The following GMDS variants were observed in gnomAD, a reference collection of about 807,000 sequenced individuals.
GMDS encodes GDP-mannose 4,6-dehydratase.
In GMDS, 20 loss-of-function variants were observed where a neutral mutation model predicts 49.9. That is an observed-to-expected ratio of 0.40 (90% CI 0.28 to 0.58). The LOEUF (loss-of-function observed/expected upper bound fraction) is 0.58, where lower values mean the gene tolerates loss of function less well. GMDS is among the 20% of genes least tolerant of loss of function. The probability of loss-of-function intolerance (pLI) is 0.42; values close to 1 mark genes in which losing one functional copy is unlikely to be tolerated. For synonymous variants in GMDS, 177 were observed against 178.6 expected (o/e 0.99, Z 0.07); for missense variants, 362 against 481.4 (o/e 0.75, Z 2.32).
At chr6:2,213,283 T>C (rs1780158092) in intron 1 of GMDS, among the ~76,000 whole-genome samples, 2 of 152,116 alleles carry the variant, frequency 1.3e-5, no homozygotes, top group Admixed American at 6.5e-5. Flanking sequence ...AACCTGGCAG[T>C]GGGGGTGGAC....
At chr6:2,171,906 C>T (rs1347205285) in intron 1 of GMDS, among the ~76,000 whole-genome samples, 1 of 152,096 alleles carries the variant, frequency 6.6e-6, no homozygotes, top group African/African-American at 2.4e-5. Context: ...TAAATGCATA[C>T]AGAGAGCAGT....
intron 4 of GMDS, among the ~76,000 whole-genome samples, chr6:2,044,379 C>T (rs1769868199): frequency 1.3e-5 from 2 of 151,866 alleles, no homozygotes; most frequent in Non-Finnish European, 1.5e-5. Flanking sequence ...TACTATGCAG[C>T]CGTAAAAAAG....
At chr6:1,658,990 A>G (rs1763978952) in intron 9 of GMDS, among the ~76,000 whole-genome samples, 1 of 152,248 alleles carries the variant, frequency 6.6e-6, no homozygotes, top group Non-Finnish European at 1.5e-5. Context: ...TAATAGGAAA[A>G]AAAACCCAAA....
intron 9 of GMDS, among the ~76,000 whole-genome samples, chr6:1,691,360 G>A (rs1041252248): frequency 2.6e-5 from 4 of 152,076 alleles, no homozygotes; most frequent in Admixed American, 6.6e-5. Context: ...CTGTTGCGGG[G>A]GGTGTGGGGG....
At chr6:1,689,001 CAT>C (rs1765079239) in intron 9 of GMDS, among the ~76,000 whole-genome samples, 1 of 152,154 alleles carries the variant, frequency 6.6e-6, no homozygotes, top group African/African-American at 2.4e-5. Context: ...TTTCTTATAA[CAT>C]GTTCTTGCTA....
chr6:2,134,578 A>G (rs1281518033), intron 1 of GMDS, among the ~76,000 whole-genome samples: 1 of 152,236 alleles, frequency 6.6e-6, no homozygotes, highest in African/African-American at 2.4e-5. Flanking sequence ...GCTGAAAAGC[A>G]GGTAGGTGTC....
At chr6:2,184,913 C>T (rs1431320015) in intron 1 of GMDS, among the ~76,000 whole-genome samples, 3 of 152,170 alleles carry the variant, frequency 2.0e-5, no homozygotes, top group Non-Finnish European at 4.4e-5. Context: ...ATTCCTTTCA[C>T]AATACTTGCC....
intron 1 of GMDS, among the ~76,000 whole-genome samples, chr6:2,174,172 C>T (rs1269854280): frequency 6.6e-6 from 1 of 152,196 alleles, no homozygotes; most frequent in African/African-American, 2.4e-5. Flanking sequence ...TGCTTAGATG[C>T]TGGAGGCTCA....
intron 9 of GMDS, among the ~76,000 whole-genome samples, chr6:1,705,401 TA>T (rs1765695951): frequency 6.6e-6 from 1 of 152,206 alleles, no homozygotes; most frequent in Admixed American, 6.5e-5. Flanking sequence ...CTGCCCCTTG[TA>T]CTCTCGATAG....
At chr6:2,067,811 T>A (rs1198289035) in intron 4 of GMDS, among the ~76,000 whole-genome samples, 3 of 152,156 alleles carry the variant, frequency 2.0e-5, no homozygotes, top group Admixed American at 6.5e-5. Flanking sequence ...ACCAGATGGA[T>A]TCACAGCCGA....
At chr6:1,996,488 G>A (rs1049482700) in intron 4 of GMDS, among the ~76,000 whole-genome samples, 1 of 152,200 alleles carries the variant, frequency 6.6e-6, no homozygotes, top group African/African-American at 2.4e-5. Flanking sequence ...ATAAGATGAA[G>A]GTTTATTTCT....
chr6:1,785,270 A>G (rs1769270233), intron 7 of GMDS, among the ~76,000 whole-genome samples: 2 of 152,344 alleles, frequency 1.3e-5, no homozygotes, highest in South Asian at 4.1e-4. Flanking sequence ...TGCTCTTAAT[A>G]AATCTTCAGC....
At chr6:1,984,742 C>T (rs1184545012) in intron 4 of GMDS, among the ~76,000 whole-genome samples, 2 of 152,152 alleles carry the variant, frequency 1.3e-5, no homozygotes, top group African/African-American at 4.8e-5. Flanking sequence ...ATAATGGCTC[C>T]CAGAGCTTTC....
At position 1,766,955 on chromosome 6, in the gene GMDS, A is replaced by G. The variant is rs772168051; in HGVS notation, c.772-24369T>C. Among the ~76,000 whole-genome samples the G allele has an allele frequency of 6.6e-6, 1 of 152,186 alleles. No individual in the cohort carries two copies. Among genetic ancestry groups the G allele is most frequent in the Non-Finnish European group, 1.5e-5 (1 of 68,024 alleles). ...TTCCTGCTGAATCTGACTTAAGTGT[A>G]AAATCGAGCAGGGATCCCCAAACCT... On this transcript the variant is annotated intron_variant, in intron 7 of 10. Coordinates refer to ENST00000380815, the MANE Select transcript of GMDS (RefSeq NM_001500.4). This position sits in a 1 kb window ranked among gnomAD's most constrained non-coding sequence, Gnocchi z 4.5.
At chr6:2,079,940 T>A (rs988674684) in intron 4 of GMDS, among the ~76,000 whole-genome samples, 1 of 152,174 alleles carries the variant, frequency 6.6e-6, no homozygotes. Flanking sequence ...ACCCAAATGA[T>A]TCAAATATGT....
chr6:2,140,297 T>A lies in GMDS; in HGVS notation c.103-15566A>T, dbSNP rs569587773. On this transcript the variant is annotated intron_variant, in intron 1 of 10. Transcript: ENST00000380815. ...ACCACAGAAGCAGAGATTAGGGCCA[T>A]GTGCCCCAAGTCAAGGGATTCCAGC... 3.3e-5 allele frequency among the ~76,000 whole-genome samples: 5 copies of A among 152,048 alleles called. No individual in the cohort carries two copies. In the South Asian group the frequency reaches 1.0e-3, roughly 32 times the overall value.
chr6:1,637,154 T>C (rs1389111943), intron 9 of GMDS, among the ~76,000 whole-genome samples: 1 of 152,234 alleles, frequency 6.6e-6, no homozygotes, highest in African/African-American at 2.4e-5. Flanking sequence ...GCACTGAGTC[T>C]GAGTCAAGCC....
At chr6:1,700,556 G>C (rs1395333949) in intron 9 of GMDS, among the ~76,000 whole-genome samples, 1 of 152,202 alleles carries the variant, frequency 6.6e-6, no homozygotes, top group East Asian at 1.9e-4. Flanking sequence ...AGCAGAGTCA[G>C]GAGCTGCACG....
chr6:1,713,146 C>T (rs1005819378), intron 9 of GMDS, among the ~76,000 whole-genome samples: 7 of 152,248 alleles, frequency 4.6e-5, no homozygotes, highest in African/African-American at 1.2e-4. Flanking sequence ...GCAACTGACT[C>T]TGTTTTATGT....
Sources: gnomAD v4.1 joint callset for allele counts (sites outside exome capture counted in the v4.1 genomes callset) on GRCh38, gnomAD v4.1.1 for gene constraint, Gnocchi (gnomAD v3.1) non-coding constraint, MANE v1.5 for transcripts, NCBI Gene and HGNC (gene_info 2026-07-23, HGNC 2026-07-21) for gene names.